Variants in ALDH1A1 observed in about 807,000 individuals in gnomAD.
ALDH1A1 encodes the protein aldehyde dehydrogenase 1A1.
Under a neutral mutation model 62.1 loss-of-function variants are expected in ALDH1A1, and 19 were observed. The ratio of observed to expected loss-of-function variants is 0.31; its 90% CI spans 0.21 to 0.45. ALDH1A1 has a LOEUF of 0.45. Ranked by LOEUF, ALDH1A1 falls within the 20% of genes least tolerant of loss-of-function variation. The probability of loss-of-function intolerance (pLI) is 1.00; values close to 1 mark genes in which losing one functional copy is unlikely to be tolerated. For synonymous variants in ALDH1A1, 231 were observed against 215.9 expected (o/e 1.07, Z -0.61); for missense variants, 521 against 607.1 (o/e 0.86, Z 1.49).
intron 8 of ALDH1A1, among the ~76,000 whole-genome samples, chr9:72,918,436 C>T (rs896580961): frequency 6.6e-6 from 1 of 151,966 alleles, no homozygotes; most frequent in African/African-American, 2.4e-5. Flanking sequence ...AAAAAATACA[C>T]CATGGCATTT....
chr9:72,920,722 G>T (rs972660393), intron 7 of ALDH1A1, among the ~76,000 whole-genome samples: 1 of 152,162 alleles, frequency 6.6e-6, no homozygotes, highest in Non-Finnish European at 1.5e-5. Flanking sequence ...TCAAAACAAA[G>T]AGACATTAAT....
At chr9:72,940,779 A>C (rs547743544) in intron 1 of ALDH1A1, among the ~76,000 whole-genome samples, 1 of 152,316 alleles carries the variant, frequency 6.6e-6, no homozygotes, top group African/African-American at 2.4e-5. Flanking sequence ...TTTTAAAAGC[A>C]TATGGTTTTA....
intron 2 of ALDH1A1, among the ~76,000 whole-genome samples, chr9:72,937,762 T>C (rs973102068): frequency 1.3e-5 from 2 of 152,054 alleles, no homozygotes; most frequent in East Asian, 3.9e-4. Context: ...TGAGTAATAT[T>C]ATAAAGGACC....
intron 1 of ALDH1A1, among the ~76,000 whole-genome samples, chr9:72,948,025 C>T (rs905033998): frequency 1.3e-5 from 2 of 151,888 alleles, no homozygotes; most frequent in Non-Finnish European, 2.9e-5. Context: ...AGCCACATTC[C>T]ACAAATTACC....
chr9:72,917,854 G>T (rs553873443), intron 8 of ALDH1A1, among the ~76,000 whole-genome samples: 1 of 152,264 alleles, frequency 6.6e-6, no homozygotes, highest in South Asian at 2.1e-4. Flanking sequence ...TATAGCAACT[G>T]GGTATGATTA....
intron 10 of ALDH1A1, among the ~76,000 whole-genome samples, chr9:72,911,261 A>C (rs1829983158): frequency 6.6e-6 from 1 of 152,142 alleles, no homozygotes; most frequent in African/African-American, 2.4e-5. Flanking sequence ...GATAGAGGGG[A>C]TGAATGCTGT....
chr9:72,940,997 A>G (rs760159483), intron 1 of ALDH1A1, among the ~76,000 whole-genome samples: 2 of 152,186 alleles, frequency 1.3e-5, no homozygotes, highest in African/African-American at 4.8e-5. Flanking sequence ...TTCAACTTTC[A>G]TGTCACTGAA....
At chr9:72,909,546 G>A in intron 11 of ALDH1A1, 56 bp downstream of exon 11, 1 of 1,474,916 alleles carries the variant, frequency 6.8e-7, no homozygotes. Context: ...GTTCAAGGTA[G>A]TAATCTGTTA....
chr9:72,952,476 T>A (rs2118591320), intron 1 of ALDH1A1, among the ~76,000 whole-genome samples: 1 of 152,148 alleles, frequency 6.6e-6, no homozygotes, highest in African/African-American at 2.4e-5. Context: ...TAAGTCCCCC[T>A]ATTTTAACAC....
chr9:72,940,279 C>G (rs778838046), intron 1 of ALDH1A1, 27 bp from the exon 2 acceptor site: 11 of 1,559,820 alleles, frequency 7.1e-6, no homozygotes, highest in Middle Eastern at 3.3e-4. Context: ...AAAATACATA[C>G]AAGGCGCTTA....
At chr9:72,933,469 C>T (rs1307133520) in intron 2 of ALDH1A1, among the ~76,000 whole-genome samples, 4 of 151,542 alleles carry the variant, frequency 2.6e-5, no homozygotes, top group Non-Finnish European at 4.4e-5. Flanking sequence ...TGCCTGTAGT[C>T]CCAGCTACCC....
chr9:72,949,839 TA>T (rs11459106), intron 1 of ALDH1A1, among the ~76,000 whole-genome samples: 2,215 of 139,142 alleles, frequency 0.016, 54 homozygotes, highest in African/African-American at 0.055. Flanking sequence ...TTCCCTTTTA[TA>T]AAAAAAAAAA....
At position 72,918,659 on chromosome 9, in the gene ALDH1A1, G is replaced by C. The variant is rs1408803301; in HGVS notation, c.850+61C>G. 1.4e-5 allele frequency: 3 copies of C among 217,638 alleles called. No homozygotes were observed. The African/African-American group carries it at 1.4e-4, about 10-fold the overall frequency. The allele number at this position is 217,638 out of a possible 1,614,324, so 13.5% of individuals were successfully genotyped here. A position where few individuals can be genotyped will look rare whatever the true frequency, so the allele number is the denominator to read the frequency against. ...TTTTGTAAAGTTCAAGTTCACTTTT[G>C]GCATTATCAGACACCAAAAACGATG... On this transcript the variant is annotated intron_variant, in intron 8 of 12. Coordinates refer to ENST00000297785, the MANE Select transcript of ALDH1A1 (RefSeq NM_000689.5).
At chr9:72,906,095 G>A in intron 11 of ALDH1A1, 63 bp from the exon 12 acceptor site, 2 of 1,315,522 alleles carry the variant, frequency 1.5e-6, no homozygotes, top group East Asian at 2.4e-5. Context: ...ATCCTTTTTG[G>A]CAGTTTTAGA....
intron 1 of ALDH1A1, among the ~76,000 whole-genome samples, chr9:72,952,154 G>T (rs149194989): frequency 6.6e-6 from 1 of 151,948 alleles, no homozygotes; most frequent in South Asian, 2.1e-4. Context: ...ATTTTGGTTA[G>T]ATTGTGTTTT....
chr9:72,946,425 C>T (rs748539917), intron 1 of ALDH1A1, among the ~76,000 whole-genome samples: 7 of 151,822 alleles, frequency 4.6e-5, no homozygotes, highest in Non-Finnish European at 7.4e-5. Flanking sequence ...GTAAGTCAAA[C>T]GTTACAATGA....
intron 2 of ALDH1A1, among the ~76,000 whole-genome samples, chr9:72,939,348 C>A (rs148079742): frequency 1.3e-5 from 2 of 151,926 alleles, no homozygotes; most frequent in Non-Finnish European, 2.9e-5. Context: ...AAAATAACAA[C>A]GCTTGTAATT....
Position 72,939,122 on chromosome 9 carries a change from C to A in ALDH1A1, c.171+1026G>T, listed in dbSNP as rs1415943052. 3.3e-5 allele frequency among the ~76,000 whole-genome samples: 5 copies of A among 152,262 alleles called. No homozygotes were observed. The East Asian group carries it at 9.7e-4, about 29-fold the overall frequency. ...ACAGGTTATAGTGTCAGAGGAACAG[C>A]ATTTTAATGTTGAGGTTATTACTTA... On this transcript the variant is annotated intron_variant, in intron 2 of 12. Transcript: ENST00000297785.
At chr9:72,936,425 T>C (rs1214345295) in intron 2 of ALDH1A1, among the ~76,000 whole-genome samples, 2 of 152,198 alleles carry the variant, frequency 1.3e-5, no homozygotes, top group Non-Finnish European at 2.9e-5. Context: ...AGTTGCAAAC[T>C]GCAAACAGAT....
Sources: gnomAD v4.1 joint callset for allele counts (sites outside exome capture counted in the v4.1 genomes callset) on GRCh38, gnomAD v4.1.1 for gene constraint, MANE v1.5 for transcripts, NCBI Gene and HGNC (gene_info 2026-07-23, HGNC 2026-07-21) for gene names.